The following RAD17 variants were observed in gnomAD, a reference collection of about 807,000 sequenced individuals.
The protein encoded by RAD17 is cell cycle checkpoint protein RAD17.
In RAD17, 31 loss-of-function variants were observed where a neutral mutation model predicts 81.5. That is an observed-to-expected ratio of 0.38 (90% CI 0.29 to 0.51). The LOEUF (loss-of-function observed/expected upper bound fraction) is 0.51, where lower values mean the gene tolerates loss of function less well. Ranked by LOEUF, RAD17 falls within the 20% of genes least tolerant of loss-of-function variation. RAD17 has a pLI of 0.88. For synonymous variants in RAD17, 261 were observed against 266.2 expected (o/e 0.98, Z 0.19); for missense variants, 681 against 781.2 (o/e 0.87, Z 1.53).
intron 6 of RAD17, among the ~76,000 whole-genome samples, chr5:69,375,184 A>G (rs909868204): frequency 1.3e-5 from 2 of 152,184 alleles, no homozygotes; most frequent in African/African-American, 4.8e-5. Context: ...AACTTGACTA[A>G]AAGACTCAGA....
intron 17 of RAD17, among the ~76,000 whole-genome samples, chr5:69,402,889 A>G (rs1765363368): frequency 6.6e-6 from 1 of 152,204 alleles, no homozygotes; most frequent in Admixed American, 6.5e-5. Flanking sequence ...TGCCAAAAAC[A>G]AGGACATTTT....
At chr5:69,405,775 C>T (rs1157977059) in intron 17 of RAD17, among the ~76,000 whole-genome samples, 2 of 152,070 alleles carry the variant, frequency 1.3e-5, no homozygotes, top group Admixed American at 1.3e-4. Context: ...GGTGCAGTGG[C>T]TCATGCCTGT....
At chr5:69,411,995 C>T (rs1207886474) in intron 18 of RAD17, among the ~76,000 whole-genome samples, 2 of 151,632 alleles carry the variant, frequency 1.3e-5, no homozygotes, top group Admixed American at 6.6e-5. Context: ...CTAGCTTTAT[C>T]GCCCAGGCTG....
At chr5:69,386,134 T>G (rs769446743) in intron 9 of RAD17, 39 bp downstream of exon 9, 9 of 1,600,116 alleles carry the variant, frequency 5.6e-6, no homozygotes, top group Admixed American at 5.2e-5. Flanking sequence ...CCAAATTAAA[T>G]GAGAAGTGGC....
intron 2 of RAD17, 70 bp downstream of exon 2, chr5:69,371,241 C>A: frequency 1.9e-6 from 1 of 519,982 alleles, no homozygotes; most frequent in Non-Finnish European, 3.6e-6. Context: ...ATGTGAAAAA[C>A]TCTTAACACC....
At chr5:69,376,601 TC>T (rs1391382229) in intron 6 of RAD17, among the ~76,000 whole-genome samples, 1 of 152,188 alleles carries the variant, frequency 6.6e-6, no homozygotes, top group Admixed American at 6.5e-5. Context: ...TTACTAACCT[TC>T]CCTCACCAGA....
intron 11 of RAD17, among the ~76,000 whole-genome samples, chr5:69,387,694 T>A (rs1372662733): frequency 6.6e-6 from 1 of 152,002 alleles, no homozygotes; most frequent in Admixed American, 6.6e-5. Context: ...CCATCTCTAA[T>A]AAAAATACAA....
intron 6 of RAD17, 103 bp downstream of exon 6, chr5:69,374,814 GTC>G (rs1763238044): frequency 1.0e-6 from 1 of 1,004,674 alleles, no homozygotes; most frequent in Non-Finnish European, 1.5e-6. Context: ...TTCAAAATAA[GTC>G]TAGATCTCCT....
intron 6 of RAD17, among the ~76,000 whole-genome samples, chr5:69,377,435 GTGTGTATATATATATATA>G (rs1238799334): frequency 4.3e-5 from 1 of 23,060 alleles, no homozygotes; most frequent in Non-Finnish European, 7.6e-5. Flanking sequence ...GTGTGTGTGT[GTGTGTATATATATATATA>G]TATATATATA....
At chr5:69,380,388 T>G (rs1399642638) in intron 6 of RAD17, among the ~76,000 whole-genome samples, 1 of 152,202 alleles carries the variant, frequency 6.6e-6, no homozygotes, top group Non-Finnish European at 1.5e-5. Context: ...TTATTGTTAC[T>G]AGGAATTTTT....
At position 69,389,054 on chromosome 5, in the gene RAD17, C is replaced by G. The variant is rs142157993; in HGVS notation, c.915C>G (p.Val305=). Residue 305 remains valine (V), a synonymous_variant, in exon 12 of 19, where the codon GTC becomes GTG. Coordinates refer to ENST00000354868, the MANE Select transcript of RAD17 (RefSeq NM_133338.3). ...EANKNGGKIT[V]PDKTSLELLC... is the part of the protein sequence containing the mutation. The stretch of plus-strand genomic sequence containing the variant: ...TTTAGAATGGAGGAAAAATTACTGT[C>G]CCTGACAAAACTTCTCTAGAGTTGC... 1.7e-5 allele frequency: 26 copies of G among 1,507,372 alleles called. No individual in the cohort carries two copies. The highest frequency in any genetic ancestry group is 2.0e-4 in the Middle Eastern group (1 of 5,050). 93.4% of individuals were successfully genotyped at this position (1,507,372 alleles called of 1,614,324 possible).
chr5:69,379,568 C>T (rs1763718436), intron 6 of RAD17, among the ~76,000 whole-genome samples: 1 of 152,004 alleles, frequency 6.6e-6, no homozygotes, highest in Admixed American at 6.5e-5. Context: ...TAACACTTAG[C>T]TTAAAACACA....
intron 17 of RAD17, among the ~76,000 whole-genome samples, chr5:69,404,273 C>T (rs1765448796): frequency 6.6e-6 from 1 of 152,078 alleles, no homozygotes. Flanking sequence ...AACTGAAAAG[C>T]CTCTGCACAG....
chr5:69,396,651 AT>A (rs1380839370), intron 16 of RAD17, 105 bp downstream of exon 16: 8 of 1,201,982 alleles, frequency 6.7e-6, no homozygotes, highest in South Asian at 2.5e-5. Context: ...AAAGGAAAAA[AT>A]ATTTCATTTT....
chr5:69,384,700 G>A, intron 7 of RAD17, 97 bp from the exon 8 acceptor site: 3 of 1,126,506 alleles, frequency 2.7e-6, no homozygotes, highest in Middle Eastern at 2.1e-4. Context: ...CTACAGTATT[G>A]TGAGATGCAT....
chr5:69,389,017 T>A lies in RAD17; in HGVS notation c.895-17T>A, dbSNP rs1000599110. On this transcript the variant is annotated splice_polypyrimidine_tract_variant and intron_variant, in intron 11 of 18. Transcript: ENST00000354868. ...TTAAGAAAATACTTTTTTTTAAATTTAATTTTCTTATTTTAGAATGGAGGA... is the reference window on the plus strand; with the variant it reads ...TTAAGAAAATACTTTTTTTTAAATTAAATTTTCTTATTTTAGAATGGAGGA... 3.8e-6 allele frequency: 5 copies of A among 1,325,044 alleles called. No homozygotes were observed. The Admixed American group carries it at 7.8e-5, about 21-fold the overall frequency. The allele number at this position is 1,325,044 out of a possible 1,614,324, so 82.1% of individuals were successfully genotyped here. A position where few individuals can be genotyped will look rare whatever the true frequency, so the allele number is the denominator to read the frequency against.
At chr5:69,382,662 A>G (rs148749586) in intron 7 of RAD17, among the ~76,000 whole-genome samples, 1 of 152,346 alleles carries the variant, frequency 6.6e-6, no homozygotes, top group East Asian at 1.9e-4. Context: ...ATGTGTTAAA[A>G]AGAACTTGCC....
chr5:69,385,217 C>T (rs939604131), intron 8 of RAD17, among the ~76,000 whole-genome samples: 1 of 151,554 alleles, frequency 6.6e-6, no homozygotes, highest in Non-Finnish European at 1.5e-5. Context: ...ACCGTGGCCT[C>T]CCAAAGTGCT....
chr5:69,407,823 A>ATT (rs757021763), intron 17 of RAD17, among the ~76,000 whole-genome samples: 4 of 152,138 alleles, frequency 2.6e-5, no homozygotes, highest in Non-Finnish European at 5.9e-5. Flanking sequence ...AAGTGCTGGG[A>ATT]TTACAAGCAT....
Sources: allele counts gnomAD v4.1 joint callset (sites outside exome capture counted in the v4.1 genomes callset), GRCh38; gene constraint gnomAD v4.1.1; transcripts MANE v1.5; gene names NCBI Gene and HGNC (gene_info 2026-07-23, HGNC 2026-07-21).